XIRP2: variants seen among roughly 807,000 people sequenced by gnomAD.
XIRP2 encodes the protein xin actin-binding repeat-containing protein 2.
XIRP2 carries 236 observed loss-of-function variants against 277.0 expected under a neutral mutation model. The ratio of observed to expected loss-of-function variants is 0.85; its 90% CI spans 0.77 to 0.95. The LOEUF (loss-of-function observed/expected upper bound fraction) is 0.95. XIRP2 is among the 40% of genes least tolerant of loss of function. The pLI, the probability that XIRP2 is intolerant of heterozygous loss-of-function variation, is 0.00. For synonymous variants in XIRP2, 1,490 were observed against 1,416.5 expected, an observed-to-expected ratio of 1.05 and a Z score of -1.17; for missense variants, 4,640 against 4,157.5, an observed-to-expected ratio of 1.12 and a Z score of -3.19.
chr2:167,125,316 G>C (rs912503462), intron 2 of XIRP2, among the ~76,000 whole-genome samples: 2 of 152,168 alleles, frequency 1.3e-5, no homozygotes, highest in Non-Finnish European at 2.9e-5. Context: ...AGGATACGTA[G>C]CTGTAAAGGA....
chr2:166,988,058 A>G (rs2105442153), intron 2 of XIRP2, among the ~76,000 whole-genome samples: 1 of 152,316 alleles, frequency 6.6e-6, no homozygotes, highest in Middle Eastern at 3.4e-3. Flanking sequence ...TAGATGACAA[A>G]TAGGACATTT....
At chr2:166,942,898 T>C (rs1334769859) in intron 2 of XIRP2, among the ~76,000 whole-genome samples, 2 of 152,150 alleles carry the variant, frequency 1.3e-5, no homozygotes, top group East Asian at 3.8e-4. Context: ...TATTATAAAT[T>C]AAATTGAATT....
intron 6 of XIRP2, 112 bp downstream of exon 6, chr2:167,240,077 C>T (rs1288642561): frequency 3.4e-6 from 3 of 888,156 alleles, no homozygotes; most frequent in South Asian, 2.5e-5. Flanking sequence ...GTATCAATAC[C>T]TATCAGTGTT....
chr2:166,914,820 G>C (rs1684818134), intron 2 of XIRP2, among the ~76,000 whole-genome samples: 1 of 152,020 alleles, frequency 6.6e-6, no homozygotes, highest in African/African-American at 2.4e-5. Flanking sequence ...TTCAAAGTCA[G>C]GTCTTTGATT....
At chr2:166,939,183 G>C (rs1685617746) in intron 2 of XIRP2, among the ~76,000 whole-genome samples, 1 of 152,098 alleles carries the variant, frequency 6.6e-6, no homozygotes, top group African/African-American at 2.4e-5. Flanking sequence ...TTTCTTCCTA[G>C]CATCGATGGT....
chr2:167,233,049 A>G (rs1694805410), intron 5 of XIRP2, among the ~76,000 whole-genome samples: 1 of 151,970 alleles, frequency 6.6e-6, no homozygotes, highest in Admixed American at 6.6e-5. Flanking sequence ...AATGAGGCTC[A>G]TTGGAACCCC....
At chr2:167,173,178 T>G (rs1344062919) in intron 3 of XIRP2, among the ~76,000 whole-genome samples, 1 of 152,228 alleles carries the variant, frequency 6.6e-6, no homozygotes, top group Admixed American at 6.5e-5. Context: ...AAATTATTAT[T>G]GACTATAGTC....
At chr2:167,115,820 A>G (rs1019629361) in intron 2 of XIRP2, among the ~76,000 whole-genome samples, 3 of 152,282 alleles carry the variant, frequency 2.0e-5, no homozygotes, top group South Asian at 2.1e-4. Flanking sequence ...AAGCAGAACT[A>G]CTGGGTTGGA....
Position 167,248,634 on chromosome 2 carries a change from A to G in XIRP2, c.7242A>G (p.Gly2414=), listed in dbSNP as rs562517126. 1 of 1,613,748 alleles carries G rather than the reference A, an allele frequency of 6.2e-7. No individual in the cohort carries two copies. The highest frequency in any genetic ancestry group is 1.7e-5 in the Admixed American group (1 of 59,944). ...SQNSQAKIIT[G]KTGVLPPPTL... ...ATTCTCAGGCTAAAATCATAACAGG[A>G]AAAACCGGTGTGTTGCCACCTCCCA... The change falls in exon 9 of 11, where the codon GGA becomes GGG. Residue 2414 remains glycine, a synonymous_variant. Transcript: ENST00000409195.
rs1228442376 is a variant in XIRP2 at position 167,246,577 on chromosome 2, A to G, written c.5185A>G (p.Ile1729Val). Residue 1729 changes from isoleucine to valine, a missense_variant, in exon 9 of 11, where the codon ATA becomes GTA. Ile to Val is a conservative substitution (Grantham distance 29). Coordinates refer to ENST00000409195, the MANE Select transcript of XIRP2 (RefSeq NM_152381.6). ...NLLSSTSNNK[I>V]SERAKIDASE... is the part of the protein sequence containing the mutation. ...ATTGTCTTCCACATCAAACAATAAA[A>G]TATCTGAAAGGGCTAAAATTGATGC... The G allele has an allele frequency of 6.2e-7, 1 of 1,613,848 alleles. No individual in the cohort carries two copies. Among genetic ancestry groups the G allele is most frequent in the Non-Finnish European group, 8.5e-7 (1 of 1,179,840 alleles).
intron 4 of XIRP2, among the ~76,000 whole-genome samples, chr2:167,211,240 G>A (rs1694033907): frequency 6.6e-6 from 1 of 152,038 alleles, no homozygotes; most frequent in Non-Finnish European, 1.5e-5. Flanking sequence ...TGGGATTACA[G>A]AGCATGCCAC....
At chr2:167,132,390 T>C (rs1216779003) in intron 2 of XIRP2, among the ~76,000 whole-genome samples, 1 of 152,112 alleles carries the variant, frequency 6.6e-6, no homozygotes, top group African/African-American at 2.4e-5. Flanking sequence ...AGAATAAGGC[T>C]CTAATAACAA....
At chr2:167,061,615 G>A (rs903844053) in intron 2 of XIRP2, among the ~76,000 whole-genome samples, 2 of 151,904 alleles carry the variant, frequency 1.3e-5, no homozygotes, top group Non-Finnish European at 2.9e-5. Flanking sequence ...TTCTCATCAA[G>A]CAAAGATGAA....
chr2:167,240,867 A>T, intron 7 of XIRP2, 131 bp downstream of exon 7: 1 of 738,234 alleles, frequency 1.4e-6, no homozygotes, highest in South Asian at 1.7e-5. Flanking sequence ...GGTTCCAGGG[A>T]GAGCTGAGTA....
chr2:166,938,435 T>G (rs571725670), intron 2 of XIRP2, among the ~76,000 whole-genome samples: 2 of 152,358 alleles, frequency 1.3e-5, no homozygotes, highest in East Asian at 3.9e-4. Flanking sequence ...TGAGCTCTAG[T>G]TTGATTGCAC....
In XIRP2 at chr2:167,194,763, C is replaced by T. The variant is rs531185007; in HGVS notation, c.563-15972C>T. On this transcript the variant is annotated intron_variant, in intron 3 of 10. Transcript: ENST00000409195. ...CTTGGGCAAATTACCAACTCTGTGCCTCATTTCCTCATCTGACATCAGAGA... is the reference window on the plus strand; with the variant it reads ...CTTGGGCAAATTACCAACTCTGTGCTTCATTTCCTCATCTGACATCAGAGA... 4.6e-5 allele frequency among the ~76,000 whole-genome samples: 7 copies of T among 152,260 alleles called. 1 individual carries two copies. Among genetic ancestry groups the T allele is most frequent in the African/African-American group, 1.4e-4 (6 of 41,548 alleles).
At chr2:166,926,554 A>G (rs577943466) in intron 2 of XIRP2, among the ~76,000 whole-genome samples, 7 of 152,100 alleles carry the variant, frequency 4.6e-5, no homozygotes, top group Non-Finnish European at 8.8e-5. Context: ...AATCTGCCTT[A>G]CATAACCCAA....
chr2:167,154,380 T>C lies in XIRP2; in HGVS notation c.562+18318T>C, dbSNP rs538073448. ...GGTTGCCTGTTCACTCTGAAGGTAG[T>C]TTCTTTTGCTGTGCAGAAGCTCTTT... On this transcript the variant is annotated intron_variant, in intron 3 of 10. Transcript: ENST00000409195. Among the ~76,000 whole-genome samples the C allele has an allele frequency of 5.3e-5, 8 of 151,752 alleles. No individual in the cohort carries two copies. The East Asian group carries it at 1.4e-3, about 26-fold the overall frequency.
chr2:167,156,674 G>C (rs552043702), intron 3 of XIRP2, among the ~76,000 whole-genome samples: 1 of 152,050 alleles, frequency 6.6e-6, no homozygotes, highest in Non-Finnish European at 1.5e-5. Flanking sequence ...ATTATGCTTC[G>C]CAGGCATAAA....
Sources: gnomAD v4.1 joint callset for allele counts (sites outside exome capture counted in the v4.1 genomes callset) on GRCh38, gnomAD v4.1.1 for gene constraint, MANE v1.5 for transcripts, NCBI Gene and HGNC (gene_info 2026-07-23, HGNC 2026-07-21) for gene names.